The following HACD3 variants were observed in gnomAD, a reference collection of about 807,000 sequenced individuals.
HACD3 encodes very-long-chain (3R)-3-hydroxyacyl-CoA dehydratase 3.
Under a neutral mutation model 55.2 loss-of-function variants are expected in HACD3, and 30 were observed. That is an observed-to-expected ratio of 0.54 (90% CI 0.41 to 0.74). HACD3 has a LOEUF of 0.74. Ranked by LOEUF, HACD3 falls within the 30% of genes least tolerant of loss-of-function variation. The probability of loss-of-function intolerance (pLI) is 0.00; values close to 1 mark genes in which losing one functional copy is unlikely to be tolerated. For synonymous variants in HACD3, 141 were observed against 151.7 expected, an observed-to-expected ratio of 0.93 and a Z score of 0.52; for missense variants, 363 against 440.1, an observed-to-expected ratio of 0.82 and a Z score of 1.57.
chr15:65,559,186 C>G (rs2072222218), intron 5 of HACD3, among the ~76,000 whole-genome samples: 1 of 152,186 alleles, frequency 6.6e-6, no homozygotes, highest in South Asian at 2.1e-4. Flanking sequence ...TAACCTTTAA[C>G]AAATCAATTT....
chr15:65,551,617 T>G lies in HACD3; in HGVS notation c.88-59T>G, dbSNP rs2072133810. 6 of 1,596,622 alleles carry G rather than the reference T, an allele frequency of 3.8e-6. No individual in the cohort carries two copies. In the East Asian group the frequency reaches 1.3e-4, roughly 36 times the overall value. On this transcript the variant is annotated intron_variant, in intron 1 of 10. Transcript: ENST00000261875. ...GGATGAGGGGAAGAAGCCCCTTGTT[T>G]AATCTCATTTTTTCTCTTCATTAAA...
At chr15:65,532,509 A>G (rs1596200981) in intron 1 of HACD3, among the ~76,000 whole-genome samples, 1 of 151,972 alleles carries the variant, frequency 6.6e-6, no homozygotes, top group African/African-American at 2.4e-5. Flanking sequence ...CGTGTAATTC[A>G]CTATGTTGGC....
At chr15:65,538,274 C>T (rs1287651296) in intron 1 of HACD3, among the ~76,000 whole-genome samples, 1 of 151,994 alleles carries the variant, frequency 6.6e-6, no homozygotes, top group African/African-American at 2.4e-5. Context: ...TTCTAGATAC[C>T]ATTAAGATCA....
At chr15:65,538,107 C>T (rs1183005794) in intron 1 of HACD3, among the ~76,000 whole-genome samples, 2 of 151,450 alleles carry the variant, frequency 1.3e-5, no homozygotes, top group Non-Finnish European at 2.9e-5. Flanking sequence ...TGCCCGCTAA[C>T]ATAACATTCC....
Position 65,563,867 on chromosome 15 carries a change from G to A in HACD3, c.533-348G>A, listed in dbSNP as rs185689560. On this transcript the variant is annotated intron_variant, in intron 6 of 10. Coordinates refer to ENST00000261875, the MANE Select transcript of HACD3 (RefSeq NM_016395.4). ...TGCCTGTAGTCCCAGCTACTCGGGA[G>A]GCTGAGGCAGGAGAATCACTTGAAC... 4.4e-4 allele frequency among the ~76,000 whole-genome samples: 67 copies of A among 152,258 alleles called. 1 individual carries two copies. In the East Asian group the frequency reaches 0.011, roughly 24 times the overall value.
intron 1 of HACD3, among the ~76,000 whole-genome samples, chr15:65,548,512 C>CAA (rs5813362): frequency 3.5e-4 from 28 of 79,192 alleles, no homozygotes; most frequent in African/African-American, 7.8e-4. Context: ...GATTCTGTCT[C>CAA]AAAAAAAAAA....
chr15:65,533,767 A>G (rs1017171547), intron 1 of HACD3, among the ~76,000 whole-genome samples: 1 of 151,576 alleles, frequency 6.6e-6, no homozygotes, highest in Non-Finnish European at 1.5e-5. Flanking sequence ...AAGAAAGAAA[A>G]GCAGCCGGGT....
At chr15:65,574,996 CT>C (rs1165532727) in intron 10 of HACD3, among the ~76,000 whole-genome samples, 2 of 152,026 alleles carry the variant, frequency 1.3e-5, no homozygotes, top group African/African-American at 4.8e-5. Flanking sequence ...GACTTAGTAT[CT>C]TTTTTTGTGT....
At chr15:65,540,765 CTT>C (rs1259170673) in intron 1 of HACD3, among the ~76,000 whole-genome samples, 2 of 152,092 alleles carry the variant, frequency 1.3e-5, no homozygotes, top group Non-Finnish European at 2.9e-5. Context: ...AGAGAAGTGA[CTT>C]TGTAGGATTT....
chr15:65,534,237 G>T (rs1406528301), intron 1 of HACD3: 2 of 152,216 alleles, frequency 1.3e-5, no homozygotes, highest in African/African-American at 2.4e-5. Flanking sequence ...ATGTGTAAGT[G>T]TGAGTTTTAA....
intron 6 of HACD3, among the ~76,000 whole-genome samples, chr15:65,563,433 A>C (rs2072262256): frequency 1.3e-5 from 2 of 152,240 alleles, no homozygotes; most frequent in South Asian, 4.1e-4. Context: ...AAGTATTCTG[A>C]AACTTTATTT....
intron 10 of HACD3, among the ~76,000 whole-genome samples, chr15:65,573,327 G>A (rs950280618): frequency 1.3e-5 from 2 of 151,998 alleles, no homozygotes; most frequent in Admixed American, 6.6e-5. Context: ...CTTATTAGAG[G>A]CCAGGTATGG....
intron 3 of HACD3, 122 bp from the exon 4 acceptor site, chr15:65,556,617 T>G: frequency 9.3e-7 from 1 of 1,073,324 alleles, no homozygotes; most frequent in East Asian, 2.7e-5. Flanking sequence ...CATCAGGACT[T>G]GCAGGACCAG....
chr15:65,568,272 G>A (rs1315963072), intron 7 of HACD3, among the ~76,000 whole-genome samples: 3 of 151,946 alleles, frequency 2.0e-5, no homozygotes, highest in African/African-American at 7.3e-5. Context: ...GGAGATGGAT[G>A]GTGATTATGG....
intron 1 of HACD3, among the ~76,000 whole-genome samples, chr15:65,540,567 G>T (rs1340635054): frequency 1.3e-5 from 2 of 152,176 alleles, no homozygotes; most frequent in East Asian, 3.8e-4. Context: ...TTAGAGGCAG[G>T]CAAAGGCTTA....
chr15:65,564,313 A>C lies in HACD3; in HGVS notation c.631A>C (p.Thr211Pro). The change falls in exon 7 of 11, where the codon ACG (threonine) becomes CCG (proline). Residue 211 changes from threonine (T) to proline (P), a missense_variant. Thr to Pro is a conservative substitution (Grantham distance 38, BLOSUM62 -1). Transcript: ENST00000261875. ...TATCAATGCAGCAATTGGAGTCACT[A>C]CGTCACCGGTGCTGCCTTCTCTGAT... is the stretch of plus-strand genomic sequence containing the variant. Reference protein sequence around the residue: ...ETINAAIGVTTSPVLPSLIQL... With the variant: ...ETINAAIGVTPSPVLPSLIQL... 1 of 1,613,828 alleles carries C rather than the reference A, an allele frequency of 6.2e-7. No individual in the cohort carries two copies. The highest frequency in any genetic ancestry group is 1.6e-4 in the Middle Eastern group (1 of 6,062).
At chr15:65,569,854 T>C (rs1172635774) in intron 7 of HACD3, among the ~76,000 whole-genome samples, 1 of 152,226 alleles carries the variant, frequency 6.6e-6, no homozygotes, top group Admixed American at 6.5e-5. Flanking sequence ...TTTGAACATG[T>C]GTCTGTATTT....
chr15:65,543,404 G>T (rs1360048901), intron 1 of HACD3, among the ~76,000 whole-genome samples: 2 of 151,892 alleles, frequency 1.3e-5, no homozygotes, highest in Non-Finnish European at 1.5e-5. Flanking sequence ...CAAGTAATTA[G>T]TAGGTTTATT....
intron 10 of HACD3, among the ~76,000 whole-genome samples, chr15:65,573,825 A>G (rs1335593188): frequency 6.6e-6 from 1 of 152,220 alleles, no homozygotes; most frequent in Non-Finnish European, 1.5e-5. Context: ...GAACATAAAA[A>G]CAGAATGAAA....
Sources: allele counts gnomAD v4.1 joint callset (sites outside exome capture counted in the v4.1 genomes callset), GRCh38; gene constraint gnomAD v4.1.1; transcripts MANE v1.5; gene names NCBI Gene and HGNC (gene_info 2026-07-23, HGNC 2026-07-21).